The following ESRRB variants were observed in gnomAD, a reference collection of about 807,000 sequenced individuals.
The protein encoded by ESRRB is estrogen related receptor beta.
A neutral mutation model predicts 46.0 loss-of-function variants in ESRRB; 16 were observed. That is an observed-to-expected ratio of 0.35 (90% CI 0.24 to 0.53). ESRRB has a LOEUF of 0.53. ESRRB is among the 20% of genes least tolerant of loss of function. The pLI is 0.93. For synonymous variants in ESRRB, 246 were observed against 259.6 expected (o/e 0.95, Z 0.50); for missense variants, 488 against 607.4 (o/e 0.80, Z 2.07).
intron 3 of ESRRB, among the ~76,000 whole-genome samples, chr14:76,480,122 G>A (rs1889747629): frequency 6.6e-6 from 1 of 152,184 alleles, no homozygotes; most frequent in Admixed American, 6.5e-5. Flanking sequence ...GCCTCCCAAA[G>A]TGCTGGGATT....
Position 76,362,065 on chromosome 14 carries a change from G to A in ESRRB, c.2+51149G>A, listed in dbSNP as rs80074281. ...TCTGAGCACAGTGTGGGTGCTGGAT[G>A]GTTACAGGGAAGAAGATGACTGAGA... On this transcript the variant is annotated intron_variant, in intron 1 of 6. Coordinates refer to the ESRRB transcript ENST00000512784. Among the ~76,000 whole-genome samples the A allele has an allele frequency of 7.4e-3, 1,123 of 152,278 alleles. 12 individuals are homozygous for A. Among genetic ancestry groups the A allele is most frequent in the African/African-American group, 0.026 (1,066 of 41,546 alleles).
chr14:76,381,132 T>G (rs1202601526), intron 1 of ESRRB, among the ~76,000 whole-genome samples: 1 of 152,134 alleles, frequency 6.6e-6, no homozygotes, highest in Non-Finnish European at 1.5e-5. Context: ...TGATGTCCCC[T>G]GTCCCCTGGC....
chr14:76,422,733 GC>G (rs1887023116), intron 1 of ESRRB, among the ~76,000 whole-genome samples: 1 of 152,150 alleles, frequency 6.6e-6, no homozygotes, highest in Non-Finnish European at 1.5e-5. Flanking sequence ...TACCCATTTT[GC>G]AGATGAGGAA....
intron 1 of ESRRB, among the ~76,000 whole-genome samples, chr14:76,388,135 G>A (rs2139813874): frequency 6.7e-6 from 1 of 150,000 alleles, no homozygotes; most frequent in Non-Finnish European, 1.5e-5. Context: ...CCGATGTTAT[G>A]TGTCGCTCAT....
chr14:76,428,273 C>T (rs529024640), intron 1 of ESRRB, among the ~76,000 whole-genome samples: 1 of 152,250 alleles, frequency 6.6e-6, no homozygotes, highest in African/African-American at 2.4e-5. Flanking sequence ...GCTGGGATTA[C>T]AGGTGTGAGC....
In ESRRB at chr14:76,499,585, C is replaced by G. The variant is rs368248091; in HGVS notation, c.*1127C>G. On this transcript the variant is annotated 3_prime_UTR_variant, in exon 7 of 7. Transcript: ENST00000644823. Reference sequence around the variant, plus strand: ...ATGCCACAGGGCTAGTGTACCAGTGCCACAGGAGGGGTGCCCTCCTACCAC... The same window carrying G: ...ATGCCACAGGGCTAGTGTACCAGTGGCACAGGAGGGGTGCCCTCCTACCAC... 1 of 521,102 alleles carries G rather than the reference C, an allele frequency of 1.9e-6. No individual in the cohort carries two copies. Among genetic ancestry groups the G allele is most frequent in the Non-Finnish European group, 3.5e-6 (1 of 286,274 alleles). 32.3% of individuals were successfully genotyped at this position (521,102 alleles called of 1,614,324 possible).
chr14:76,475,372 A>G (rs1026679078), intron 3 of ESRRB, among the ~76,000 whole-genome samples: 1 of 151,122 alleles, frequency 6.6e-6, no homozygotes, highest in Non-Finnish European at 1.5e-5. Flanking sequence ...TTGCCTCGAA[A>G]AAAAAAAAAA....
chr14:76,439,799 C>T (rs779422934), intron 2 of ESRRB, 49 bp downstream of exon 2: 2 of 1,595,754 alleles, frequency 1.3e-6, no homozygotes, highest in Admixed American at 1.7e-5. Flanking sequence ...GGGGTGGCAG[C>T]CGTGCCTGCG....
At position 76,405,986 on chromosome 14, in the gene ESRRB, C is replaced by T. The variant is rs556568398; in HGVS notation, c.50+29535C>T. Reference sequence around the variant, plus strand: ...CATAATGAAATGTTTACGAATATACCATTAATGAAGCAAGTTGACATTAGG... The same window carrying T: ...CATAATGAAATGTTTACGAATATACTATTAATGAAGCAAGTTGACATTAGG... On this transcript the variant is annotated intron_variant, in intron 1 of 6. Transcript: ENST00000644823. Among the ~76,000 whole-genome samples, 15 of 152,256 alleles carry T rather than the reference C, an allele frequency of 9.9e-5. 1 individual carries two copies. The highest frequency in any genetic ancestry group is 2.6e-4 in the Admixed American group (4 of 15,296).
chr14:76,426,871 AAAAC>A (rs1566892092), intron 1 of ESRRB, among the ~76,000 whole-genome samples: 3 of 152,202 alleles, frequency 2.0e-5, no homozygotes, highest in South Asian at 2.1e-4. Context: ...TCGCTACAAA[AAAAC>A]AAACAAACAA....
At chr14:76,396,130 G>A (rs562096988) in intron 1 of ESRRB, among the ~76,000 whole-genome samples, 3 of 152,106 alleles carry the variant, frequency 2.0e-5, no homozygotes, top group East Asian at 3.9e-4. Context: ...CCGAGATCAC[G>A]CCACTGCACT....
intron 2 of ESRRB, among the ~76,000 whole-genome samples, chr14:76,444,586 A>G (rs1374998573): frequency 6.6e-6 from 1 of 151,128 alleles, no homozygotes; most frequent in Non-Finnish European, 1.5e-5. Flanking sequence ...AGGCCTTGCT[A>G]TGTTGCCCAG....
At chr14:76,313,745 C>G (rs1165703196) in intron 1 of ESRRB, among the ~76,000 whole-genome samples, 1 of 152,202 alleles carries the variant, frequency 6.6e-6, no homozygotes, top group East Asian at 1.9e-4. Flanking sequence ...TACAGTATAT[C>G]TGTCCATCTT....
intron 1 of ESRRB, among the ~76,000 whole-genome samples, chr14:76,379,168 A>ATTTTCG (rs903997362): frequency 5.3e-5 from 8 of 151,990 alleles, no homozygotes; most frequent in African/African-American, 1.9e-4. Flanking sequence ...CTTCATTTTC[A>ATTTTCG]TTTTCCTGTA....
intron 1 of ESRRB, among the ~76,000 whole-genome samples, chr14:76,419,627 C>T (rs1420918503): frequency 6.6e-6 from 1 of 152,112 alleles, no homozygotes; most frequent in Non-Finnish European, 1.5e-5. Context: ...CTGTGAAATG[C>T]CAGAGTGAGG....
At chr14:76,467,374 G>A (rs150207637) in intron 3 of ESRRB, among the ~76,000 whole-genome samples, 367 of 151,802 alleles carry the variant, frequency 2.4e-3, no homozygotes, top group Middle Eastern at 6.8e-3. Context: ...GGTGGCACGC[G>A]CATGTAATCC....
intron 1 of ESRRB, among the ~76,000 whole-genome samples, chr14:76,399,154 G>A (rs1885828150): frequency 6.6e-6 from 1 of 152,124 alleles, no homozygotes; most frequent in Non-Finnish European, 1.5e-5. Context: ...CTGTGGCTGT[G>A]TGATGAGGGA....
At chr14:76,419,603 C>A (rs1595098835) in intron 1 of ESRRB, among the ~76,000 whole-genome samples, 1 of 152,184 alleles carries the variant, frequency 6.6e-6, no homozygotes, top group African/African-American at 2.4e-5. Context: ...CACTTCCTCT[C>A]ACAGGAGCTG....
At chr14:76,358,323 A>AAAAAAAAGAAAGAAAG (rs1884410928) in intron 1 of ESRRB, among the ~76,000 whole-genome samples, 1 of 53,100 alleles carries the variant, frequency 1.9e-5, no homozygotes, top group Admixed American at 2.9e-4. Flanking sequence ...AAAAAAAAAA[A>AAAAAAAAGAAAGAAAG]AAAGAAAGAA....
Sources: allele counts gnomAD v4.1 joint callset (sites outside exome capture counted in the v4.1 genomes callset), GRCh38; gene constraint gnomAD v4.1.1; transcripts MANE v1.5; gene names NCBI Gene and HGNC (gene_info 2026-07-23, HGNC 2026-07-21).